Variants in NRXN1 observed in about 807,000 individuals in gnomAD.
The protein encoded by NRXN1 is neurexin 1.
NRXN1 carries 39 observed loss-of-function variants against 150.9 expected under a neutral mutation model. The ratio of observed to expected loss-of-function variants is 0.26; its 90% CI spans 0.20 to 0.34. The LOEUF (loss-of-function observed/expected upper bound fraction) is 0.34, where lower values mean the gene tolerates loss of function less well. NRXN1 is among the 10% of genes least tolerant of loss of function. The pLI is 1.00. For synonymous variants in NRXN1, 924 were observed against 757.0 expected (o/e 1.22, Z -3.62); for missense variants, 1,815 against 1,949.9 (o/e 0.93, Z 1.30).
chr2:50,039,819 T>C (rs539434407), intron 21 of NRXN1, among the ~76,000 whole-genome samples: 3 of 152,254 alleles, frequency 2.0e-5, no homozygotes, highest in East Asian at 3.9e-4. Context: ...AACAAAACTA[T>C]AGAAAACAAA....
intron 18 of NRXN1, among the ~76,000 whole-genome samples, chr2:50,167,671 T>G (rs1223760975): frequency 4.6e-5 from 7 of 152,216 alleles, no homozygotes; most frequent in Non-Finnish European, 1.0e-4. Context: ...CACTAAGTAT[T>G]TCCAAAATAA....
chr2:50,209,619 T>C (rs1039918621), intron 18 of NRXN1, among the ~76,000 whole-genome samples: 1 of 152,100 alleles, frequency 6.6e-6, no homozygotes, highest in African/African-American at 2.4e-5. Flanking sequence ...AATTATACCC[T>C]TTGAGAATTT....
intron 18 of NRXN1, among the ~76,000 whole-genome samples, chr2:50,105,674 G>C (rs542029148): frequency 1.3e-5 from 2 of 151,970 alleles, no homozygotes; most frequent in Admixed American, 6.6e-5. Flanking sequence ...GCAAGGAAAT[G>C]AGAGATTTAG....
At chr2:50,278,289 C>CTT (rs2070897424) in intron 17 of NRXN1, among the ~76,000 whole-genome samples, 1 of 114,646 alleles carries the variant, frequency 8.7e-6, no homozygotes, top group African/African-American at 3.6e-5. Context: ...ATATATAATA[C>CTT]ATATATAATA....
intron 18 of NRXN1, among the ~76,000 whole-genome samples, chr2:50,147,373 C>T (rs140598053): frequency 1.2e-3 from 175 of 151,734 alleles, no homozygotes; most frequent in African/African-American, 4.0e-3. Flanking sequence ...AAGCAGCATC[C>T]AAATAACTTG....
chr2:50,495,133 G>A (rs924420647), intron 15 of NRXN1, among the ~76,000 whole-genome samples: 7 of 151,834 alleles, frequency 4.6e-5, no homozygotes, highest in African/African-American at 1.5e-4. Flanking sequence ...AATACTTTCT[G>A]GAATGCCTGT....
intron 2 of NRXN1, among the ~76,000 whole-genome samples, chr2:50,982,793 A>C (rs1463436654): frequency 6.6e-6 from 1 of 152,042 alleles, no homozygotes; most frequent in Non-Finnish European, 1.5e-5. Context: ...CCTAATACTA[A>C]TTTTAACCAT....
chr2:50,474,419 T>C (rs10180935), intron 15 of NRXN1, among the ~76,000 whole-genome samples: 79,638 of 151,250 alleles, frequency 0.53, 21,363 homozygotes, highest in Middle Eastern at 0.58. Context: ...AGTACAGTCA[T>C]TGGCAAATGT....
intron 9 of NRXN1, among the ~76,000 whole-genome samples, chr2:50,541,022 A>G (rs911217238): frequency 6.6e-6 from 1 of 152,180 alleles, no homozygotes; most frequent in African/African-American, 2.4e-5. Context: ...AATTAGTTCA[A>G]TAAGGCCTCC....
chr2:49,921,224 C>A lies in NRXN1; in HGVS notation c.*720G>T, dbSNP rs199898951. ...CATATGTAATAACATAATAAGCGTG[C>A]ATGAAAATTTCCCAATGATTGCATC... On this transcript the variant is annotated 3_prime_UTR_variant, in exon 23 of 23. Coordinates refer to ENST00000401669, the MANE Select transcript of NRXN1 (RefSeq NM_001330078.2). 3.9e-5 allele frequency: 6 copies of A among 152,552 alleles called. No individual in the cohort carries two copies. The highest frequency in any genetic ancestry group is 7.4e-5 in the Non-Finnish European group (5 of 68,026). 9.4% of individuals were successfully genotyped at this position (152,552 alleles called of 1,614,324 possible). A position where few individuals can be genotyped will look rare whatever the true frequency, so the allele number is the denominator to read the frequency against.
chr2:50,331,201 A>T (rs2152984802), intron 17 of NRXN1, among the ~76,000 whole-genome samples: 1 of 152,290 alleles, frequency 6.6e-6, no homozygotes, highest in East Asian at 1.9e-4. Context: ...GATAAAATAT[A>T]TGCTGGAAAT....
At chr2:50,362,555 CAAGGAGAACTA>C (rs1339670270) in intron 17 of NRXN1, among the ~76,000 whole-genome samples, 1 of 152,144 alleles carries the variant, frequency 6.6e-6, no homozygotes, top group African/African-American at 2.4e-5. Context: ...AGGACCTCTT[CAAGGAGAACTA>C]CAAACCAATG....
At chr2:50,434,268 G>C (rs1483883915) in intron 17 of NRXN1, among the ~76,000 whole-genome samples, 1 of 151,190 alleles carries the variant, frequency 6.6e-6, no homozygotes, top group Non-Finnish European at 1.5e-5. Context: ...TTTTTTGGTA[G>C]AGACAGGGTT....
At chr2:50,649,654 T>C (rs777232873) in intron 5 of NRXN1, among the ~76,000 whole-genome samples, 4 of 152,022 alleles carry the variant, frequency 2.6e-5, no homozygotes, top group Non-Finnish European at 5.9e-5. Context: ...ATGGAACTAG[T>C]AATACCTACT....
intron 5 of NRXN1, among the ~76,000 whole-genome samples, chr2:50,691,486 T>G (rs1330119791): frequency 6.6e-6 from 1 of 152,212 alleles, no homozygotes; most frequent in Non-Finnish European, 1.5e-5. Context: ...ATGCTTATTT[T>G]TTTAGGAAGG....
chr2:50,434,354 TTA>T (rs527509016), intron 17 of NRXN1, among the ~76,000 whole-genome samples: 7 of 152,038 alleles, frequency 4.6e-5, no homozygotes, highest in Non-Finnish European at 1.0e-4. Context: ...AGTGCTGGGA[TTA>T]CAGGCGTGAG....
rs115748064 is a variant in NRXN1, at chr2:50,161,189, G to C, written c.3547-69695C>G. Among the ~76,000 whole-genome samples the C allele has an allele frequency of 9.6e-3, 1,469 of 152,240 alleles. 25 individuals carry two copies. The highest frequency in any genetic ancestry group is 0.033 in the African/African-American group (1,386 of 41,538). On this transcript the variant is annotated intron_variant, in intron 18 of 22. Coordinates refer to ENST00000401669, the MANE Select transcript of NRXN1 (RefSeq NM_001330078.2). Reference sequence around the variant, plus strand: ...TATCACCACCACCCAACACCCATCTGCATAATGCATTTAACCTTACAAAGA... The same window carrying C: ...TATCACCACCACCCAACACCCATCTCCATAATGCATTTAACCTTACAAAGA...
At chr2:50,563,647 C>A (rs1669440109) in intron 8 of NRXN1, among the ~76,000 whole-genome samples, 1 of 152,122 alleles carries the variant, frequency 6.6e-6, no homozygotes, top group Non-Finnish European at 1.5e-5. Context: ...CAGAGGGAGT[C>A]AACAGTGGAC....
intron 17 of NRXN1, among the ~76,000 whole-genome samples, chr2:50,439,529 G>C (rs1454083289): frequency 2.0e-5 from 3 of 152,134 alleles, no homozygotes; most frequent in African/African-American, 7.2e-5. Context: ...AAAAAAGGCC[G>C]GGCGCGGTGG....
Sources: allele counts gnomAD v4.1 joint callset (sites outside exome capture counted in the v4.1 genomes callset), GRCh38; gene constraint gnomAD v4.1.1; transcripts MANE v1.5; gene names NCBI Gene and HGNC (gene_info 2026-07-23, HGNC 2026-07-21).